The following ACTR3C variants were observed in gnomAD, a reference collection of about 807,000 sequenced individuals.
ACTR3C encodes actin-related protein 3C.
Under a neutral mutation model 26.3 loss-of-function variants are expected in ACTR3C, and 18 were observed. The observed-to-expected ratio is 0.68, with a 90% CI of 0.47 to 1.01. ACTR3C has a LOEUF of 1.01. Ranked by LOEUF, ACTR3C falls within the 50% of genes least tolerant of loss-of-function variation. The probability of loss-of-function intolerance (pLI) is 0.00; values close to 1 mark genes in which losing one functional copy is unlikely to be tolerated. For missense variants in ACTR3C, 184 were observed against 250.7 expected, an observed-to-expected ratio of 0.73 and a Z score of 1.80; for synonymous variants, 55 against 94.5, an observed-to-expected ratio of 0.58 and a Z score of 2.42.
chr7:150,034,393 G>A, the ACTR3C span, among the ~76,000 whole-genome samples: 1 of 151,546 alleles, frequency 6.6e-6, no homozygotes, highest in African/African-American at 2.4e-5. Context: ...GGTAGCCCCA[G>A]GGCTGGGGCT....
the ACTR3C span, among the ~76,000 whole-genome samples, chr7:149,907,478 T>TCTCTTTCTCTCTCTCTCTC: frequency 1.0e-5 from 1 of 97,606 alleles, no homozygotes; most frequent in Non-Finnish European, 2.1e-5. Context: ...CTCTCTTCTC[T>TCTCTTTCTCTCTCTCTCTC]TCTCTCTCTC....
chr7:150,087,317 A>C, the ACTR3C span, among the ~76,000 whole-genome samples: 15 of 152,204 alleles, frequency 9.9e-5, no homozygotes, highest in Non-Finnish European at 1.5e-5. Flanking sequence ...AAGTGGTTAA[A>C]TACATCTAAC....
the ACTR3C span, among the ~76,000 whole-genome samples, chr7:150,138,250 G>T: frequency 6.6e-6 from 1 of 152,198 alleles, no homozygotes; most frequent in Non-Finnish European, 1.5e-5. Flanking sequence ...AATATTGAAA[G>T]TTCAGGCAGA....
chr7:149,957,096 A>C, the ACTR3C span, among the ~76,000 whole-genome samples: 1 of 152,262 alleles, frequency 6.6e-6, no homozygotes, highest in Non-Finnish European at 1.5e-5. Context: ...GTTGTGGTCC[A>C]GCATGAATAG....
chr7:150,219,827 G>C, the ACTR3C span, among the ~76,000 whole-genome samples: 7 of 145,106 alleles, frequency 4.8e-5, 1 homozygote, highest in African/African-American at 2.0e-4. Context: ...CGCGCTTCCC[G>C]GGAAAGAGCT....
the ACTR3C span, among the ~76,000 whole-genome samples, chr7:149,969,269 C>CTGTGTGTGTGTG: frequency 9.3e-4 from 132 of 141,542 alleles, no homozygotes; most frequent in African/African-American, 3.5e-3. Context: ...TCAGAAAGAG[C>CTGTGTGTGTGTG]TGTGTGTGTG....
intron 1 of ACTR3C, among the ~76,000 whole-genome samples, chr7:150,314,771 CAA>C (rs763541852): frequency 2.2e-5 from 2 of 90,362 alleles, no homozygotes; most frequent in Admixed American, 1.2e-4. Context: ...CCCATCTCTC[CAA>C]AAAAAAAAAA....
At chr7:149,957,978 C>T in the ACTR3C span, among the ~76,000 whole-genome samples, 5 of 152,126 alleles carry the variant, frequency 3.3e-5, no homozygotes, top group African/African-American at 9.7e-5. Context: ...CTCCAGCAAC[C>T]GACATGTTTC....
At chr7:150,028,663 G>A in the ACTR3C span, among the ~76,000 whole-genome samples, 2 of 152,232 alleles carry the variant, frequency 1.3e-5, no homozygotes. Flanking sequence ...CTGGGAAGAG[G>A]AGGGCCTGTG....
chr7:149,939,249 G>A, the ACTR3C span, among the ~76,000 whole-genome samples: 1 of 151,994 alleles, frequency 6.6e-6, no homozygotes, highest in Non-Finnish European at 1.5e-5. Context: ...CAAAGTGCTG[G>A]GATTACAGGC....
chr7:150,198,781 G>GCCGCC, the ACTR3C span, among the ~76,000 whole-genome samples: 1 of 130,828 alleles, frequency 7.6e-6, no homozygotes, highest in Non-Finnish European at 1.5e-5. Flanking sequence ...CGCCTGGCCA[G>GCCGCC]CCGTGCCGTC....
chr7:150,204,929 G>A, the ACTR3C span, among the ~76,000 whole-genome samples: 1 of 152,198 alleles, frequency 6.6e-6, no homozygotes, highest in Non-Finnish European at 1.5e-5. Flanking sequence ...CAGGAAGGGG[G>A]CCAAGAGAAG....
chr7:149,928,205 T>TTC, the ACTR3C span, among the ~76,000 whole-genome samples: 1 of 149,324 alleles, frequency 6.7e-6, no homozygotes, highest in Non-Finnish European at 1.5e-5. Context: ...TTCTTTTCTT[T>TTC]TTTTTTTTTT....
chr7:150,225,095 G>A, the ACTR3C span, among the ~76,000 whole-genome samples: 144 of 151,188 alleles, frequency 9.5e-4, no homozygotes, highest in African/African-American at 3.0e-3. Flanking sequence ...GGCACTACAA[G>A]GTGCCTCAGG....
At chr7:150,237,741 C>T in the ACTR3C span, among the ~76,000 whole-genome samples, 1 of 151,994 alleles carries the variant, frequency 6.6e-6, no homozygotes, top group African/African-American at 2.4e-5. Context: ...CTCGCCCTGG[C>T]AGGTGTGGGA....
the ACTR3C span, among the ~76,000 whole-genome samples, chr7:150,082,437 A>G: frequency 6.6e-6 from 1 of 152,146 alleles, no homozygotes; most frequent in Non-Finnish European, 1.5e-5. Flanking sequence ...AATAAACCAA[A>G]CAGATGTTCA....
chr7:149,892,373 C>G, the ACTR3C span: 7 of 1,571,414 alleles, frequency 4.5e-6, no homozygotes, highest in South Asian at 1.1e-5. Context: ...GGTCAACTAC[C>G]TTTGCTGACT....
At chr7:149,906,458 G>A in the ACTR3C span, among the ~76,000 whole-genome samples, 56 of 100,560 alleles carry the variant, frequency 5.6e-4, 1 homozygote, top group East Asian at 8.3e-3. Context: ...TTTAGATGGA[G>A]CCTCACTCTG....
At chr7:150,159,149 C>A in the ACTR3C span, among the ~76,000 whole-genome samples, 1 of 147,778 alleles carries the variant, frequency 6.8e-6, no homozygotes, top group African/African-American at 2.5e-5. Context: ...TAAATATACA[C>A]AATTTTTATT....
Sources: allele counts gnomAD v4.1 joint callset (sites outside exome capture counted in the v4.1 genomes callset), GRCh38; gene constraint gnomAD v4.1.1; transcripts MANE v1.5; gene names NCBI Gene and HGNC (gene_info 2026-07-23, HGNC 2026-07-21).